The following NMNAT3 variants were observed in gnomAD, a reference collection of about 807,000 sequenced individuals.
NMNAT3 encodes the protein nicotinamide/nicotinic acid mononucleotide adenylyltransferase 3.
NMNAT3 carries 21 observed loss-of-function variants against 24.8 expected under a neutral mutation model. The ratio of observed to expected loss-of-function variants is 0.85; its 90% CI spans 0.60 to 1.22. NMNAT3 has a LOEUF of 1.22. NMNAT3 is among the 50% of genes most tolerant of loss of function. NMNAT3 has a pLI of 0.00. For synonymous variants in NMNAT3, 136 were observed against 155.2 expected, an observed-to-expected ratio of 0.88 and a Z score of 0.92; for missense variants, 387 against 436.6, an observed-to-expected ratio of 0.89 and a Z score of 1.01.
At chr3:139,657,047 G>A (rs945156220) in intron 1 of NMNAT3, among the ~76,000 whole-genome samples, 11 of 152,164 alleles carry the variant, frequency 7.2e-5, no homozygotes, top group African/African-American at 2.7e-4. Flanking sequence ...TTGCAGAGAA[G>A]TGCTATCATC....
chr3:139,615,464 C>CT (rs1438028853), intron 3 of NMNAT3, among the ~76,000 whole-genome samples: 18,907 of 105,804 alleles, frequency 0.18, 1,373 homozygotes, highest in South Asian at 0.23. Flanking sequence ...TCTATCTATC[C>CT]ATCCACCCAC....
chr3:139,605,491 AG>A (rs981884253), intron 3 of NMNAT3, among the ~76,000 whole-genome samples: 5 of 152,152 alleles, frequency 3.3e-5, no homozygotes, highest in Middle Eastern at 6.3e-3. Context: ...CTGAACTCAA[AG>A]ATGCTTTTCA....
chr3:139,633,327 C>G (rs138390806), intron 2 of NMNAT3, among the ~76,000 whole-genome samples: 1 of 152,014 alleles, frequency 6.6e-6, no homozygotes, highest in Non-Finnish European at 1.5e-5. Flanking sequence ...ATTACAGGCA[C>G]GTCCCACTGT....
Position 139,579,025 on chromosome 3 carries a change from G to T in NMNAT3, c.422C>A (p.Ser141Tyr). The T allele has an allele frequency of 6.2e-7, 1 of 1,614,118 alleles. No homozygotes were observed. Among genetic ancestry groups the T allele is most frequent in the Non-Finnish European group, 8.5e-7 (1 of 1,180,002 alleles). ...CTTCCCATAGGTGTCGTTGACAGGA[G>T]AGATGATACCCTGGATGACCTGGTA... The change falls in exon 5 of 7, where the codon TCT (serine) becomes TAT (tyrosine). Residue 141 changes from serine (S) to tyrosine (Y), a missense_variant. Transcript: ENST00000643695.
At chr3:139,592,803 A>G (rs1176019261) in intron 3 of NMNAT3, among the ~76,000 whole-genome samples, 1 of 152,216 alleles carries the variant, frequency 6.6e-6, no homozygotes, top group Non-Finnish European at 1.5e-5. Context: ...CTGCCCTAAA[A>G]GAGCTCCTGA....
chr3:139,627,559 G>T lies in NMNAT3; in HGVS notation c.109+57C>A. On this transcript the variant is annotated intron_variant, in intron 3 of 6. Coordinates refer to ENST00000643695, the MANE Select transcript of NMNAT3 (RefSeq NM_001320510.2). ...AATAGTGATGCCAGCAGCCAGAAAAGCCCCATGAAGCCTAACCCACCAGTT... is the reference window on the plus strand; with the variant it reads ...AATAGTGATGCCAGCAGCCAGAAAATCCCCATGAAGCCTAACCCACCAGTT... The T allele has an allele frequency of 5.3e-6, 5 of 937,146 alleles. No individual in the cohort carries two copies. The South Asian group carries it at 6.8e-5, about 13-fold the overall frequency. 58.1% of individuals were successfully genotyped at this position (937,146 alleles called of 1,614,324 possible).
At chr3:139,603,786 T>G (rs1345912670) in intron 3 of NMNAT3, among the ~76,000 whole-genome samples, 1 of 151,448 alleles carries the variant, frequency 6.6e-6, no homozygotes, top group East Asian at 1.9e-4. Context: ...CTACCACCAC[T>G]GCCACTAGTG....
At chr3:139,606,679 TTTTCTA>T (rs1288621349) in intron 3 of NMNAT3, among the ~76,000 whole-genome samples, 1 of 152,216 alleles carries the variant, frequency 6.6e-6, no homozygotes, top group Non-Finnish European at 1.5e-5. Context: ...AAAATAGTTA[TTTTCTA>T]TTTCTGACAT....
intron 6 of NMNAT3, chr3:139,572,225 T>C (rs1576527143): frequency 2.5e-6 from 1 of 398,556 alleles, no homozygotes; most frequent in East Asian, 3.6e-5. Context: ...AGAATCCTTT[T>C]AAGAATACCT....
intron 4 of NMNAT3, among the ~76,000 whole-genome samples, chr3:139,581,743 T>C (rs1274992641): frequency 6.6e-6 from 1 of 152,098 alleles, no homozygotes; most frequent in African/African-American, 2.4e-5. Context: ...AGAAAGATGA[T>C]AAAAGTCAGG....
rs78144439 is a variant in NMNAT3, at chr3:139,663,005, A to G, written c.-141+14700T>C. On this transcript the variant is annotated intron_variant, in intron 1 of 6. Transcript: ENST00000643695. The stretch of plus-strand genomic sequence containing the variant: ...TTCGTTTCCTATTGCTGTTGCAACT[A>G]CTCCAAGCTTAGTGGTTTAAAACAA... Among the ~76,000 whole-genome samples the G allele has an allele frequency of 2.0e-3, 301 of 152,112 alleles. 5 individuals carry two copies. The highest frequency in any genetic ancestry group is 5.0e-3 in the East Asian group (26 of 5,164).
At chr3:139,645,793 G>T (rs971543537) in intron 1 of NMNAT3, among the ~76,000 whole-genome samples, 6 of 152,144 alleles carry the variant, frequency 3.9e-5, no homozygotes, top group African/African-American at 1.4e-4. Flanking sequence ...ACAAAATTGG[G>T]TTTGTTTTAA....
chr3:139,648,850 T>C (rs2056960151), intron 1 of NMNAT3, among the ~76,000 whole-genome samples: 1 of 152,140 alleles, frequency 6.6e-6, no homozygotes, highest in Non-Finnish European at 1.5e-5. Context: ...TAAATACTGG[T>C]AAAAAAATGT....
intron 4 of NMNAT3, among the ~76,000 whole-genome samples, chr3:139,580,686 A>G (rs1216652246): frequency 6.6e-6 from 1 of 152,126 alleles, no homozygotes; most frequent in Admixed American, 6.5e-5. Context: ...CTACTGATTT[A>G]ATTTCCTTAA....
chr3:139,602,635 T>C (rs1268848974), intron 3 of NMNAT3, among the ~76,000 whole-genome samples: 7 of 152,208 alleles, frequency 4.6e-5, no homozygotes, highest in Non-Finnish European at 8.8e-5. Flanking sequence ...CAGATTGGCA[T>C]TGGCTATAGA....
intron 2 of NMNAT3, among the ~76,000 whole-genome samples, chr3:139,628,195 T>C (rs867922828): frequency 4.6e-5 from 7 of 152,354 alleles, no homozygotes; most frequent in Admixed American, 1.3e-4. Context: ...TAGAGTAGAT[T>C]AGCACTTTTA....
At chr3:139,624,439 C>T (rs1431303067) in intron 3 of NMNAT3, among the ~76,000 whole-genome samples, 1 of 149,900 alleles carries the variant, frequency 6.7e-6, no homozygotes, top group East Asian at 1.9e-4. Flanking sequence ...AGTTCTTTTA[C>T]ATTTATTGAG....
intron 6 of NMNAT3, among the ~76,000 whole-genome samples, chr3:139,561,693 G>A (rs1936420712): frequency 6.6e-6 from 1 of 152,134 alleles, no homozygotes; most frequent in Non-Finnish European, 1.5e-5. Flanking sequence ...TTGGACCAAG[G>A]CAGAGTGCTC....
At chr3:139,584,826 G>A (rs901714705) in intron 3 of NMNAT3, among the ~76,000 whole-genome samples, 2 of 152,118 alleles carry the variant, frequency 1.3e-5, no homozygotes, top group African/African-American at 2.4e-5. Flanking sequence ...ATTCAGTCAA[G>A]ATTACTAATT....
Sources: gnomAD v4.1 joint callset for allele counts (sites outside exome capture counted in the v4.1 genomes callset) on GRCh38, gnomAD v4.1.1 for gene constraint, MANE v1.5 for transcripts, NCBI Gene and HGNC (gene_info 2026-07-23, HGNC 2026-07-21) for gene names.